The following HMCN2 variants were observed in gnomAD, a reference collection of about 807,000 sequenced individuals.
HMCN2 encodes hemicentin-2.
A neutral mutation model predicts 377.5 loss-of-function variants in HMCN2; 325 were observed. The observed-to-expected ratio is 0.86, with a 90% CI of 0.79 to 0.94. The LOEUF (loss-of-function observed/expected upper bound fraction) is 0.94, where lower values mean the gene tolerates loss of function less well. HMCN2 is among the 40% of genes least tolerant of loss of function. The pLI is 0.00. For synonymous variants in HMCN2, 2,007 were observed against 2,046.8 expected (o/e 0.98, Z 0.53); for missense variants, 4,543 against 4,725.3 (o/e 0.96, Z 1.13).
At chr9:130,406,389 A>G in intron 82 of HMCN2, 1 of 352,136 alleles carries the variant, frequency 2.8e-6, no homozygotes, top group East Asian at 7.7e-5. Flanking sequence ...AGGCCACCTG[A>G]GAAGACTCAA....
At chr9:130,348,844 C>T in intron 27 of HMCN2, 140 bp from the exon 28 acceptor site, 1 of 1,207,142 alleles carries the variant, frequency 8.3e-7, no homozygotes, top group Middle Eastern at 3.0e-4. Flanking sequence ...TGTAGTGAAG[C>T]CTGGCAGGGG....
rs989743634 is a variant in HMCN2, at chr9:130,400,942, C to A, written c.11765C>A (p.Pro3922Gln). The change falls in exon 77 of 98, where the codon CCA becomes CAA. Residue 3922 changes from proline (P) to glutamine (Q), a missense_variant. This residue lies in a region of HMCN2 where 1,073 missense variants were observed against 1,319.5 expected (regional missense o/e 0.81). Transcript: ENST00000683500. The stretch of plus-strand genomic sequence containing the variant: ...CGGGGGAGTGGCTATCGTGTCTCAC[C>A]ATCGGGTAAGTAAGGGTAAGCCACA... The part of the protein sequence containing the change: ...GARGSGYRVS[P>Q]SGALEIGQAL... The A allele has an allele frequency of 2.3e-6, 3 of 1,286,812 alleles. No homozygotes were observed. The African/African-American group carries it at 4.6e-5, about 20-fold the overall frequency. 79.7% of individuals were successfully genotyped at this position (1,286,812 alleles called of 1,614,324 possible).
intron 62 of HMCN2, among the ~76,000 whole-genome samples, 186 bp from the exon 63 acceptor site, chr9:130,390,791 T>C (rs1564845554): frequency 6.6e-6 from 1 of 151,740 alleles, no homozygotes; most frequent in Non-Finnish European, 1.5e-5. Flanking sequence ...TCCTGGACAC[T>C]GAAGGGAGGG....
intron 1 of HMCN2, among the ~76,000 whole-genome samples, chr9:130,266,513 A>G (rs1199717624): frequency 3.9e-5 from 6 of 152,180 alleles, no homozygotes; most frequent in Non-Finnish European, 8.8e-5. Flanking sequence ...AGGACTTGGG[A>G]CGCTACGAGC....
chr9:130,355,185 A>T, intron 32 of HMCN2, 141 bp downstream of exon 32: 1 of 690,050 alleles, frequency 1.4e-6, no homozygotes, highest in South Asian at 1.8e-5. Flanking sequence ...CATGACACAG[A>T]TGAGGACGCT....
At chr9:130,278,023 ACCAC>A (rs1834875246) in intron 1 of HMCN2, among the ~76,000 whole-genome samples, 1 of 7,342 alleles carries the variant, frequency 1.4e-4, no homozygotes, top group Non-Finnish European at 2.1e-4. Context: ...CATCACCACC[ACCAC>A]GATCATCACC....
chr9:130,393,234 G>C lies in HMCN2; in HGVS notation c.10159G>C (p.Asp3387His). The C allele has an allele frequency of 1.0e-6, 1 of 988,304 alleles. No individual in the cohort carries two copies. Among genetic ancestry groups the C allele is most frequent in the Non-Finnish European group, 1.2e-6 (1 of 830,320 alleles). The allele number at this position is 988,304 out of a possible 1,614,324, so 61.2% of individuals were successfully genotyped here. ...TLRISKVQLA[D>H]AGIFTCVAAS... ...CAGGATTTCCAAGGTGCAATTGGCAGACGCTGGCATCTTCACCTGTGTGGC... is the reference window on the plus strand; with the variant it reads ...CAGGATTTCCAAGGTGCAATTGGCACACGCTGGCATCTTCACCTGTGTGGC... The change falls in exon 67 of 98, where the codon GAC becomes CAC. Residue 3387 changes from aspartate to histidine, a missense_variant. By Grantham distance (81) the Asp-to-His change is moderately conservative (BLOSUM62 -1). Coordinates refer to ENST00000683500, the MANE Select transcript of HMCN2 (RefSeq NM_001291815.2). This position sits in a 1 kb window ranked among gnomAD's most constrained non-coding sequence, Gnocchi z 5.2.
chr9:130,276,479 T>G (rs561644699), intron 1 of HMCN2, among the ~76,000 whole-genome samples: 76 of 152,220 alleles, frequency 5.0e-4, no homozygotes, highest in African/African-American at 1.8e-3. Context: ...GGCAGAAATA[T>G]CTCCTTGATT....
intron 15 of HMCN2, among the ~76,000 whole-genome samples, chr9:130,316,906 G>A (rs1837591562): frequency 6.6e-6 from 1 of 152,200 alleles, no homozygotes; most frequent in African/African-American, 2.4e-5. Flanking sequence ...CATGTACAAT[G>A]AGGGGCAGAC....
intron 58 of HMCN2, 44 bp from the exon 59 acceptor site, chr9:130,384,641 G>C: frequency 7.7e-7 from 1 of 1,300,652 alleles, no homozygotes; most frequent in Non-Finnish European, 1.0e-6. Context: ...AGGACTGGGG[G>C]CTGGGCTGGA....
chr9:130,382,912 C>G, intron 56 of HMCN2, 46 bp downstream of exon 56: 3 of 955,672 alleles, frequency 3.1e-6, no homozygotes, highest in Non-Finnish European at 3.7e-6. Flanking sequence ...GCTGCTGAGG[C>G]CCAGCACCAC....
At chr9:130,409,939 C>T (rs1843326436) in intron 84 of HMCN2, among the ~76,000 whole-genome samples, 1 of 152,296 alleles carries the variant, frequency 6.6e-6, no homozygotes, top group African/African-American at 2.4e-5. Flanking sequence ...GGTGGCGCTG[C>T]CACTCAGAAG....
intron 85 of HMCN2, among the ~76,000 whole-genome samples, chr9:130,412,701 C>T (rs982106352): frequency 2.0e-5 from 3 of 151,814 alleles, no homozygotes; most frequent in African/African-American, 7.3e-5. Context: ...CTCAGCCTCC[C>T]AAGTAGCTGG....
chr9:130,382,894 G>C, intron 56 of HMCN2, 28 bp downstream of exon 56: 7 of 983,774 alleles, frequency 7.1e-6, no homozygotes, highest in Non-Finnish European at 8.5e-6. Context: ...CACGGGCTAG[G>C]GGCAGTGGCT....
chr9:130,324,204 C>T (rs963071572), intron 19 of HMCN2, among the ~76,000 whole-genome samples: 31 of 152,286 alleles, frequency 2.0e-4, no homozygotes, highest in Non-Finnish European at 3.4e-4. Flanking sequence ...CCCTGGGAGC[C>T]ACCCTTCTGC....
chr9:130,397,072 A>C (rs933767775), intron 73 of HMCN2, among the ~76,000 whole-genome samples: 1 of 152,104 alleles, frequency 6.6e-6, no homozygotes, highest in Non-Finnish European at 1.5e-5. Flanking sequence ...GGCCATTTTC[A>C]CGTTGCTGAT....
chr9:130,395,213 C>T lies in HMCN2; in HGVS notation c.10777C>T (p.Pro3593Ser), dbSNP rs1377722154. The T allele has an allele frequency of 7.8e-7, 1 of 1,288,178 alleles. No individual in the cohort carries two copies. Among genetic ancestry groups the T allele is most frequent in the Non-Finnish European group, 1.0e-6 (1 of 988,068 alleles). 79.8% of individuals were successfully genotyped at this position (1,288,178 alleles called of 1,614,324 possible). The change falls in exon 71 of 98, where the codon CCT becomes TCT. Residue 3593 changes from proline to serine, a missense_variant and splice_region_variant. Pro to Ser is a moderately conservative substitution (Grantham distance 74). This residue lies in a region of HMCN2 where 1,073 missense variants were observed against 1,319.5 expected (regional missense o/e 0.81). Transcript: ENST00000683500. The stretch of plus-strand genomic sequence containing the variant: ...CTCTTGTGCCACCCCCTTCCCAGCC[C>T]CTCCAAACATTGTTGGGCCCCGAGG... Reference protein sequence around the residue: ...EKSFRVRVQAPPNIVGPRGPR... With the variant: ...EKSFRVRVQASPNIVGPRGPR...
At chr9:130,285,361 G>A (rs145588272) in intron 3 of HMCN2, 45 bp downstream of exon 3, 16 of 466,752 alleles carry the variant, frequency 3.4e-5, no homozygotes, top group African/African-American at 3.0e-4. Flanking sequence ...TCCCCCGGGG[G>A]TCCCGAGGAA....
In HMCN2 at chr9:130,388,076, G is replaced by A. The variant is rs73670543; in HGVS notation, c.9392-333G>A. 3.9e-3 allele frequency among the ~76,000 whole-genome samples: 590 copies of A among 152,278 alleles called. 6 individuals carry two copies. Among genetic ancestry groups the A allele is most frequent in the African/African-American group, 0.014 (563 of 41,556 alleles). ...TCTTGAGCCTGGTTGACTCTGTTCC[G>A]CTGGTGGTGTCTGCCTGGGGTGTGT... On this transcript the variant is annotated intron_variant, in intron 61 of 97. Coordinates refer to ENST00000683500, the MANE Select transcript of HMCN2 (RefSeq NM_001291815.2).
Sources: allele counts gnomAD v4.1 joint callset (sites outside exome capture counted in the v4.1 genomes callset), GRCh38; gene constraint gnomAD v4.1.1; regional missense constraint gnomAD v4.1.1; non-coding constraint Gnocchi (gnomAD v3.1); transcripts MANE v1.5; gene names NCBI Gene and HGNC (gene_info 2026-07-23, HGNC 2026-07-21).